The following HSDL2 variants were observed in gnomAD, a reference collection of about 807,000 sequenced individuals.
HSDL2 encodes hydroxysteroid dehydrogenase-like protein 2.
HSDL2 carries 27 observed loss-of-function variants against 46.3 expected under a neutral mutation model. That is an observed-to-expected ratio of 0.58 (90% confidence interval 0.43 to 0.80). HSDL2 has a LOEUF of 0.80. Ranked by LOEUF, HSDL2 falls within the 30% of genes least tolerant of loss-of-function variation. The pLI, the probability that HSDL2 is intolerant of heterozygous loss-of-function variation, is 0.00. For synonymous variants in HSDL2, 153 were observed against 163.6 expected (o/e 0.94, Z 0.50); for missense variants, 451 against 502.7 (o/e 0.90, Z 0.98).
At chr9:112,443,533 G>A (rs1470536630) in intron 8 of HSDL2, among the ~76,000 whole-genome samples, 1 of 152,084 alleles carries the variant, frequency 6.6e-6, no homozygotes, top group African/African-American at 2.4e-5. Context: ...CATATTCTTA[G>A]TCTGGGCAAC....
At chr9:112,423,632 C>T (rs1832176926) in intron 6 of HSDL2, among the ~76,000 whole-genome samples, 1 of 151,380 alleles carries the variant, frequency 6.6e-6, no homozygotes, top group Non-Finnish European at 1.5e-5. Flanking sequence ...TTCTAAAGGA[C>T]TTATATGAGC....
intron 10 of HSDL2, among the ~76,000 whole-genome samples, chr9:112,462,444 C>T (rs7874797): frequency 0.96 from 143,962 of 150,738 alleles, 68,811 homozygotes; most frequent in African/African-American, 0.98. Flanking sequence ...GCCTGGGTGA[C>T]TGACTGAGAC....
At chr9:112,409,156 CTTCA>C (rs955604170) in intron 4 of HSDL2, 135 bp downstream of exon 4, 5 of 455,180 alleles carry the variant, frequency 1.1e-5, no homozygotes, top group African/African-American at 2.0e-5. Context: ...TCTAAAAGTC[CTTCA>C]TTCAGTCAAT....
intron 1 of HSDL2, among the ~76,000 whole-genome samples, chr9:112,398,868 ACTC>A (rs1163616249): frequency 6.6e-6 from 1 of 151,804 alleles, no homozygotes; most frequent in South Asian, 2.1e-4. Context: ...AGGTACCTGA[ACTC>A]CTCCCTGTTT....
chr9:112,429,955 C>T (rs186957817), intron 6 of HSDL2, among the ~76,000 whole-genome samples: 31 of 152,016 alleles, frequency 2.0e-4, no homozygotes, highest in Admixed American at 1.2e-3. Flanking sequence ...TGGTGGTGTG[C>T]GCCTGTCGTC....
chr9:112,397,488 T>C (rs967227995), intron 1 of HSDL2, among the ~76,000 whole-genome samples: 3 of 152,224 alleles, frequency 2.0e-5, no homozygotes, highest in Non-Finnish European at 2.9e-5. Flanking sequence ...ATTGCGACCC[T>C]GTTTAACAGT....
chr9:112,436,196 A>G (rs561311788), intron 6 of HSDL2, among the ~76,000 whole-genome samples: 2 of 143,246 alleles, frequency 1.4e-5, no homozygotes, highest in African/African-American at 5.2e-5. Context: ...GAGAGCCATG[A>G]TCTCACCACT....
At chr9:112,417,039 A>ACATTAG in intron 5 of HSDL2, 95 bp downstream of exon 5, 2 of 491,424 alleles carry the variant, frequency 4.1e-6, no homozygotes, top group Non-Finnish European at 7.4e-6. Context: ...TCTGCACATA[A>ACATTAG]CATTCATCAT....
At chr9:112,447,775 TCAGACTGC>T (rs1468743036) in intron 8 of HSDL2, among the ~76,000 whole-genome samples, 4 of 150,688 alleles carry the variant, frequency 2.7e-5, no homozygotes, top group Non-Finnish European at 4.4e-5. Context: ...GGCTCTGGAG[TCAGACTGC>T]CTGGATTTAA....
intron 1 of HSDL2, among the ~76,000 whole-genome samples, chr9:112,396,510 A>C (rs903565249): frequency 6.6e-6 from 1 of 152,190 alleles, no homozygotes; most frequent in Non-Finnish European, 1.5e-5. Context: ...GCTTAAAACA[A>C]TATTAGGTGG....
chr9:112,467,839 A>G (rs1420651423), intron 10 of HSDL2, among the ~76,000 whole-genome samples: 1 of 152,118 alleles, frequency 6.6e-6, no homozygotes, highest in Non-Finnish European at 1.5e-5. Flanking sequence ...CTAGACCTGA[A>G]GCTCATTAAG....
intron 1 of HSDL2, among the ~76,000 whole-genome samples, chr9:112,396,719 G>A (rs759822296): frequency 9.2e-5 from 14 of 152,136 alleles, no homozygotes; most frequent in South Asian, 2.1e-4. Context: ...TAAAGGCCCC[G>A]TGAGGACAAT....
At chr9:112,455,799 A>C (rs1833004754) in intron 9 of HSDL2, among the ~76,000 whole-genome samples, 1 of 152,204 alleles carries the variant, frequency 6.6e-6, no homozygotes, top group South Asian at 2.1e-4. Context: ...GAGGTAATAG[A>C]AACCTACAGA....
At chr9:112,409,293 G>T (rs568826189) in intron 4 of HSDL2, among the ~76,000 whole-genome samples, 1 of 151,988 alleles carries the variant, frequency 6.6e-6, no homozygotes, top group African/African-American at 2.4e-5. Context: ...AGGTTCAAGC[G>T]ATTCTCCTGC....
intron 1 of HSDL2, among the ~76,000 whole-genome samples, chr9:112,394,105 T>C (rs1023023000): frequency 2.0e-5 from 3 of 152,106 alleles, no homozygotes; most frequent in African/African-American, 7.2e-5. Flanking sequence ...TAAAGGGGGA[T>C]CGGCGTCAAA....
At chr9:112,405,212 C>T (rs1318145105) in intron 2 of HSDL2, among the ~76,000 whole-genome samples, 5 of 152,006 alleles carry the variant, frequency 3.3e-5, no homozygotes, top group African/African-American at 9.7e-5. Context: ...ATTAGCCTGG[C>T]GTGGTGGTGC....
rs1034233851 is a variant in HSDL2, at chr9:112,433,763, A to T, written c.599-4668A>T. On this transcript the variant is annotated intron_variant, in intron 6 of 10. Transcript: ENST00000398805. ...TCATCTTAGACGACAGCGTAGAGTG[A>T]CTCTCTTTATGTCAGCTGGAACCAG... The T allele has an allele frequency of 5.9e-5, 9 of 152,132 alleles. 1 individual carries two copies. The highest frequency in any genetic ancestry group is 1.3e-4 in the Admixed American group (2 of 15,258). 9.4% of individuals were successfully genotyped at this position (152,132 alleles called of 1,614,324 possible).
intron 4 of HSDL2, among the ~76,000 whole-genome samples, chr9:112,415,603 G>A (rs771327572): frequency 2.6e-5 from 4 of 152,182 alleles, no homozygotes; most frequent in Non-Finnish European, 4.4e-5. Flanking sequence ...ACATATGTGT[G>A]TTAGGGAGGC....
At chr9:112,449,645 T>C (rs1464083041) in intron 8 of HSDL2, among the ~76,000 whole-genome samples, 3 of 151,936 alleles carry the variant, frequency 2.0e-5, no homozygotes, top group Non-Finnish European at 4.4e-5. Context: ...AGGCGGATTG[T>C]CTGAGCTCCG....
Sources: gnomAD v4.1 joint callset for allele counts (sites outside exome capture counted in the v4.1 genomes callset) on GRCh38, gnomAD v4.1.1 for gene constraint, MANE v1.5 for transcripts, NCBI Gene and HGNC (gene_info 2026-07-23, HGNC 2026-07-21) for gene names.